SCN2A: variants seen among roughly 807,000 people sequenced by gnomAD.
SCN2A encodes the protein sodium channel protein type 2 subunit alpha.
A neutral mutation model predicts 188.7 loss-of-function variants in SCN2A; 20 were observed. That is an observed-to-expected ratio of 0.11 (90% CI 0.07 to 0.15). The LOEUF is 0.15. Ranked by LOEUF, SCN2A falls within the 10% of genes least tolerant of loss-of-function variation. SCN2A has a pLI of 1.00. For synonymous variants in SCN2A, 804 were observed against 833.1 expected (o/e 0.97, Z 0.60); for missense variants, 1,278 against 2,445.0 (o/e 0.52, Z 10.07).
intron 1 of SCN2A, among the ~76,000 whole-genome samples, chr2:165,291,436 C>CTCTTTCTTTCTCTTTCTT (rs1553563560): frequency 1.5e-5 from 1 of 65,432 alleles, no homozygotes; most frequent in African/African-American, 5.4e-5. Context: ...GTCTTTCTTT[C>CTCTTTCTTTCTCTTTCTT]TCTTTCTTTC....
chr2:165,369,928 A>G (rs1039162037), intron 19 of SCN2A, among the ~76,000 whole-genome samples, 198 bp from the exon 20 acceptor site: 2 of 152,154 alleles, frequency 1.3e-5, no homozygotes, highest in African/African-American at 4.8e-5. Context: ...AAAATTACTG[A>G]AACCCTTGGT....
At chr2:165,339,228 CAA>C (rs5836027) in intron 14 of SCN2A, among the ~76,000 whole-genome samples, 46,643 of 138,510 alleles carry the variant, frequency 0.34, 7,634 homozygotes, top group Middle Eastern at 0.51. Flanking sequence ...AACTCTGTCT[CAA>C]AAAAAAAAAA....
rs749381959 is a variant in SCN2A at position 165,386,742 on chromosome 2, C to A, written c.4552-4C>A. 1.2e-6 allele frequency: 2 copies of A among 1,611,776 alleles called. No homozygotes were observed. Among genetic ancestry groups the A allele is most frequent in the Admixed American group, 1.7e-5 (1 of 59,884 alleles). On this transcript the variant is annotated splice_region_variant and splice_polypyrimidine_tract_variant and intron_variant, in intron 25 of 26. Coordinates refer to ENST00000375437, the MANE Select transcript of SCN2A (RefSeq NM_001040142.2). ...ATGGAACTTTTACATATTATTTGTT[C>A]CAGAACAAATTCCAAGGAATGGTCT...
intron 14 of SCN2A, among the ~76,000 whole-genome samples, chr2:165,334,621 G>A (rs536793699): frequency 6.6e-6 from 1 of 151,738 alleles, no homozygotes; most frequent in East Asian, 1.9e-4. Context: ...AAGAACTTCA[G>A]CCTGATAAAC....
chr2:165,390,147 A>C lies in SCN2A; in HGVS notation c.*323A>C. On this transcript the variant is annotated 3_prime_UTR_variant, in exon 27 of 27. Coordinates refer to ENST00000375437, the MANE Select transcript of SCN2A (RefSeq NM_001040142.2). Reference sequence around the variant, plus strand: ...AGTTAAATTTTTATGTAAATTCAACATGTGACACTTGATAATAGTAATTGT... The same window carrying C: ...AGTTAAATTTTTATGTAAATTCAACCTGTGACACTTGATAATAGTAATTGT... The C allele has an allele frequency of 3.5e-6, 1 of 289,538 alleles. No individual in the cohort carries two copies. Among genetic ancestry groups the C allele is most frequent in the Non-Finnish European group, 6.5e-6 (1 of 152,746 alleles). The allele number at this position is 289,538 out of a possible 1,614,324, so 17.9% of individuals were successfully genotyped here.
chr2:165,255,415 CAT>C (rs1694270345), intron 1 of SCN2A, among the ~76,000 whole-genome samples: 2 of 152,052 alleles, frequency 1.3e-5, no homozygotes, highest in African/African-American at 4.8e-5. Flanking sequence ...AAAAAATGTA[CAT>C]GATTTGGTAT....
intron 21 of SCN2A, among the ~76,000 whole-genome samples, 187 bp from the exon 22 acceptor site, chr2:165,374,498 G>A (rs955102031): frequency 3.9e-5 from 6 of 151,968 alleles, no homozygotes; most frequent in African/African-American, 9.7e-5. Context: ...TATAAAATTC[G>A]TTGTATACTC....
intron 1 of SCN2A, among the ~76,000 whole-genome samples, chr2:165,252,212 C>T (rs113520940): frequency 2.6e-5 from 4 of 151,886 alleles, no homozygotes; most frequent in African/African-American, 9.7e-5. Flanking sequence ...TTAGAAATAT[C>T]CCATGCATAT....
At chr2:165,328,779 T>G (rs1698503406) in intron 13 of SCN2A, among the ~76,000 whole-genome samples, 1 of 152,074 alleles carries the variant, frequency 6.6e-6, no homozygotes, top group South Asian at 2.1e-4. Context: ...ACTGAGAGTG[T>G]TTTCGTTTTA....
In SCN2A at chr2:165,391,734, A is replaced by G. The variant is rs1702131254; in HGVS notation, c.*1910A>G. ...TTCCACCTAGTCTTTTTATTCAGTA[A>G]TCATCAGTCTTTTCCAATGTTTGTT... On this transcript the variant is annotated 3_prime_UTR_variant, in exon 27 of 27. Transcript: ENST00000375437. 1 of 152,466 alleles carries G rather than the reference A, an allele frequency of 6.6e-6. No individual in the cohort carries two copies. The highest frequency in any genetic ancestry group is 2.4e-5 in the African/African-American group (1 of 41,446). 9.4% of individuals were successfully genotyped at this position (152,466 alleles called of 1,614,324 possible). A position where few individuals can be genotyped will look rare whatever the true frequency, so the allele number is the denominator to read the frequency against.
chr2:165,268,097 T>C (rs1019544247), intron 1 of SCN2A: 15 of 151,956 alleles, frequency 9.9e-5, no homozygotes, highest in African/African-American at 3.1e-4. Flanking sequence ...TCTGGGTATA[T>C]ACCTAGACAT....
intron 14 of SCN2A, among the ~76,000 whole-genome samples, chr2:165,336,633 C>T (rs1017500815): frequency 1.8e-4 from 27 of 151,738 alleles, no homozygotes; most frequent in Non-Finnish European, 2.8e-4. Context: ...CTTTTTAAGG[C>T]GATGAAAATG....
intron 12 of SCN2A, among the ~76,000 whole-genome samples, chr2:165,326,553 T>C (rs907108141): frequency 6.6e-6 from 1 of 152,170 alleles, no homozygotes; most frequent in African/African-American, 2.4e-5. Flanking sequence ...CTAAGTGGGA[T>C]TGGCTGAAAT....
Position 165,344,852 on chromosome 2 carries a change from G to A in SCN2A, c.2860G>A (p.Ala954Thr), listed in dbSNP as rs749485469. Residue 954 changes from alanine (A) to threonine (T), a missense_variant, in exon 16 of 27, where the codon GCT becomes ACT. Ala to Thr is a moderately conservative substitution (Grantham distance 58, BLOSUM62 0). Around this residue, in one of 17 missense-constraint regions of SCN2A, gnomAD observed 83 missense variants for 256.8 expected, o/e 0.32. Transcript: ENST00000375437. ...GACCATGTGGGACTGTATGGAGGTC[G>A]CTGGCCAAACCATGTGCCTTACTGT... is the stretch of plus-strand genomic sequence containing the variant. ...IETMWDCMEV[A>T]GQTMCLTVFM... 5.0e-6 allele frequency: 8 copies of A among 1,614,024 alleles called. No individual in the cohort carries two copies. The highest frequency in any genetic ancestry group is 1.1e-5 in the South Asian group (1 of 91,082).
chr2:165,244,970 G>GC (rs397744254), intron 1 of SCN2A, among the ~76,000 whole-genome samples: 3 of 56,246 alleles, frequency 5.3e-5, no homozygotes, highest in Non-Finnish European at 1.1e-4. Flanking sequence ...GAAATATCAT[G>GC]AAAAAAAGAA....
chr2:165,243,218 G>A (rs1251255476), intron 1 of SCN2A, among the ~76,000 whole-genome samples: 5 of 152,080 alleles, frequency 3.3e-5, no homozygotes, highest in African/African-American at 1.2e-4. Context: ...CTAAGGGCTG[G>A]TTTGCCAGTA....
intron 17 of SCN2A, among the ~76,000 whole-genome samples, chr2:165,364,839 A>G (rs1213978606): frequency 1.3e-5 from 2 of 152,232 alleles, no homozygotes; most frequent in Admixed American, 1.3e-4. Flanking sequence ...GCAGATGATT[A>G]TATGACTCTG....
intron 1 of SCN2A, among the ~76,000 whole-genome samples, chr2:165,277,042 A>T (rs1322417913): frequency 1.3e-5 from 2 of 152,128 alleles, no homozygotes; most frequent in Non-Finnish European, 2.9e-5. Flanking sequence ...AGGTGTCGAC[A>T]GAGCAAGACT....
intron 23 of SCN2A, among the ~76,000 whole-genome samples, chr2:165,378,169 T>G (rs1009428539): frequency 1.3e-5 from 2 of 150,644 alleles, no homozygotes; most frequent in Admixed American, 1.3e-4. Flanking sequence ...TTTTCTATAA[T>G]TTTCATTAAT....
Sources: allele counts gnomAD v4.1 joint callset (sites outside exome capture counted in the v4.1 genomes callset), GRCh38; gene constraint gnomAD v4.1.1; regional missense constraint gnomAD v4.1.1; transcripts MANE v1.5; gene names NCBI Gene and HGNC (gene_info 2026-07-23, HGNC 2026-07-21).